The following MYO16 variants were observed in gnomAD, a reference collection of about 807,000 sequenced individuals.
MYO16 encodes the protein unconventional myosin-XVI.
A neutral mutation model predicts 205.3 loss-of-function variants in MYO16; 94 were observed. The observed-to-expected ratio is 0.46, with a 90% CI of 0.39 to 0.54. MYO16 has a LOEUF of 0.54. Ranked by LOEUF, MYO16 falls within the 20% of genes least tolerant of loss-of-function variation. The pLI is 0.00. For missense variants in MYO16, 2,315 were observed against 2,387.5 expected (o/e 0.97, Z 0.63); for synonymous variants, 988 against 954.0 (o/e 1.04, Z -0.66).
chr13:108,527,956 T>C, the MYO16 span, among the ~76,000 whole-genome samples: 1 of 152,248 alleles, frequency 6.6e-6, no homozygotes, highest in African/African-American at 2.4e-5. Context: ...TATGATCTGG[T>C]ATCTGTGTAT....
chr13:108,921,057 C>T (rs1339297710), intron 16 of MYO16, among the ~76,000 whole-genome samples: 3 of 152,214 alleles, frequency 2.0e-5, no homozygotes, highest in Non-Finnish European at 4.4e-5. Context: ...AAAACCTGCC[C>T]ATGTGGCTGT....
chr13:109,140,868 G>C lies in MYO16; in HGVS notation c.4656G>C (p.Val1552=), dbSNP rs759417274. ...PVLETNLKYP[V]QPEGSSPLSP... ...TGGAGACCAACCTCAAGTACCCCGT[G>C]CAGCCGGAGGGGTCGAGCCCGCTGT... Residue 1552 remains valine, a synonymous_variant, in exon 32 of 35, where the codon GTG becomes GTC. Coordinates refer to ENST00000457511, the MANE Select transcript of MYO16 (RefSeq NM_001198950.3). The surrounding 1 kb of genome is among the most constrained non-coding windows in gnomAD (Gnocchi z 8.0). 1.0e-5 allele frequency: 16 copies of C among 1,596,558 alleles called. No homozygotes were observed. Among genetic ancestry groups the C allele is most frequent in the Admixed American group, 1.7e-5 (1 of 58,576 alleles).
intron 22 of MYO16, among the ~76,000 whole-genome samples, chr13:109,013,415 A>G (rs1885685597): frequency 6.6e-6 from 1 of 152,094 alleles, no homozygotes; most frequent in South Asian, 2.1e-4. Flanking sequence ...GAATAGTGCC[A>G]CAATAAACAT....
chr13:108,822,172 A>G (rs1876011527), intron 8 of MYO16, among the ~76,000 whole-genome samples: 1 of 152,186 alleles, frequency 6.6e-6, no homozygotes, highest in Admixed American at 6.5e-5. Flanking sequence ...TTTGGAATAG[A>G]TTTATGAAAA....
intron 5 of MYO16, among the ~76,000 whole-genome samples, chr13:108,785,951 A>G (rs991970188): frequency 1.4e-4 from 21 of 152,252 alleles, no homozygotes; most frequent in African/African-American, 5.1e-4. Flanking sequence ...GCAAGCCAGC[A>G]GAAATCTAGA....
chr13:108,698,379 A>T (rs149124283), intron 2 of MYO16, among the ~76,000 whole-genome samples: 1 of 152,314 alleles, frequency 6.6e-6, no homozygotes, highest in Non-Finnish European at 1.5e-5. Context: ...TTCCGTTCCC[A>T]ATTTGAAATG....
intron 5 of MYO16, among the ~76,000 whole-genome samples, chr13:108,791,622 C>T (rs945850793): frequency 6.6e-6 from 1 of 152,148 alleles, no homozygotes; most frequent in African/African-American, 2.4e-5. Context: ...CAGGTTGAGT[C>T]CAGAGCTCCT....
At chr13:109,087,212 C>T (rs908774738) in intron 27 of MYO16, among the ~76,000 whole-genome samples, 2 of 152,198 alleles carry the variant, frequency 1.3e-5, no homozygotes, top group Non-Finnish European at 2.9e-5. Flanking sequence ...TTATTTCATT[C>T]TTAACTTCTC....
chr13:108,732,125 G>C (rs1231883747), intron 4 of MYO16, among the ~76,000 whole-genome samples: 3 of 152,200 alleles, frequency 2.0e-5, no homozygotes, highest in Non-Finnish European at 2.9e-5. Flanking sequence ...TTACTTGCCA[G>C]ATGAAACGCT....
At chr13:108,617,973 G>A (rs1879408027) in intron 1 of MYO16, among the ~76,000 whole-genome samples, 1 of 152,034 alleles carries the variant, frequency 6.6e-6, no homozygotes, top group African/African-American at 2.4e-5. Context: ...CAAGCACCTA[G>A]AAAGCTGGTC....
chr13:108,576,943 TAG>T, the MYO16 span, among the ~76,000 whole-genome samples: 1 of 152,106 alleles, frequency 6.6e-6, no homozygotes, highest in African/African-American at 2.4e-5. Context: ...AAATTTTATA[TAG>T]AGACAGGGCC....
rs530074542 is a variant in MYO16, at chr13:108,753,221, T to G, written c.507+25638T>G. On this transcript the variant is annotated intron_variant, in intron 4 of 34. Coordinates refer to ENST00000457511, the MANE Select transcript of MYO16 (RefSeq NM_001198950.3). ...TGTCTCTACTAAGAATACAAAAAAA[T>G]TAGCCGGGTGTGTTGGCGGGCGCCT... Among the ~76,000 whole-genome samples the G allele has an allele frequency of 3.7e-4, 56 of 151,786 alleles. No homozygotes were observed. In the South Asian group the frequency reaches 0.012, roughly 32 times the overall value.
chr13:108,939,714 C>T (rs977260717), intron 16 of MYO16, among the ~76,000 whole-genome samples: 2 of 152,130 alleles, frequency 1.3e-5, no homozygotes, highest in African/African-American at 2.4e-5. Flanking sequence ...TTCCTAATGT[C>T]TCTAATTCAG....
At chr13:108,501,547 A>C in the MYO16 span, among the ~76,000 whole-genome samples, 11 of 152,328 alleles carry the variant, frequency 7.2e-5, no homozygotes, top group Admixed American at 1.3e-4. Context: ...ACTTGCAAAA[A>C]GGTCTGATTA....
chr13:109,145,307 T>C (rs1877278330), intron 32 of MYO16, among the ~76,000 whole-genome samples: 1 of 152,090 alleles, frequency 6.6e-6, no homozygotes, highest in Non-Finnish European at 1.5e-5. Context: ...TAACTCTGTC[T>C]CTAGAGTCTC....
intron 24 of MYO16, among the ~76,000 whole-genome samples, chr13:109,051,897 T>C (rs1887258417): frequency 6.6e-6 from 1 of 152,114 alleles, no homozygotes; most frequent in Admixed American, 6.6e-5. Context: ...AGTTAGGTCC[T>C]GGGGAAACAT....
rs768023549 is a variant in MYO16 at position 109,055,525 on chromosome 13, G to A, written c.3265G>A (p.Val1089Ile). 10 of 1,613,196 alleles carry A rather than the reference G, an allele frequency of 6.2e-6. No homozygotes were observed. Among genetic ancestry groups the A allele is most frequent in the Non-Finnish European group, 8.5e-6 (10 of 1,179,462 alleles). Residue 1089 changes from valine (V) to isoleucine (I), a missense_variant, in exon 27 of 35, where the codon GTC becomes ATC. By Grantham distance (29) the Val-to-Ile change is conservative. Transcript: ENST00000457511. This position sits in a 1 kb window ranked among gnomAD's most constrained non-coding sequence, Gnocchi z 5.0. ...GTCTGCTCAGCTACAATATATTGGG[G>A]TCCTGGAGATGGTGAAGATCTTCCG... ...YVSAQLQYIGVLEMVKIFRYG... is the reference protein window; with the variant it reads ...YVSAQLQYIGILEMVKIFRYG...
chr13:109,161,378 C>G (rs1160801413), intron 32 of MYO16, among the ~76,000 whole-genome samples: 2 of 152,216 alleles, frequency 1.3e-5, no homozygotes, highest in Non-Finnish European at 2.9e-5. Context: ...GCTGAGCCCT[C>G]TGGGCCTCAG....
the MYO16 span, among the ~76,000 whole-genome samples, chr13:108,543,426 C>T: frequency 1.6e-4 from 25 of 152,052 alleles, no homozygotes; most frequent in African/African-American, 5.3e-4. Context: ...GGATGGATCA[C>T]GAGGTTGGGA....
Sources: gnomAD v4.1 joint callset for allele counts (sites outside exome capture counted in the v4.1 genomes callset) on GRCh38, gnomAD v4.1.1 for gene constraint, Gnocchi (gnomAD v3.1) non-coding constraint, MANE v1.5 for transcripts, NCBI Gene and HGNC (gene_info 2026-07-23, HGNC 2026-07-21) for gene names.